AKAP6: variants seen among roughly 807,000 people sequenced by gnomAD.
AKAP6 encodes A-kinase anchoring protein 6.
A neutral mutation model predicts 188.5 loss-of-function variants in AKAP6; 58 were observed. The observed-to-expected ratio is 0.31, with a 90% confidence interval of 0.25 to 0.38. The LOEUF (loss-of-function observed/expected upper bound fraction) is 0.38, where lower values mean the gene tolerates loss of function less well. Among genes scored for constraint, AKAP6 ranks in the 10% least tolerant of loss-of-function variants. The pLI, the probability that AKAP6 is intolerant of heterozygous loss-of-function variation, is 1.00. For missense variants in AKAP6, 2,710 were observed against 2,740.0 expected, an observed-to-expected ratio of 0.99 and a Z score of 0.24; for synonymous variants, 989 against 998.6, an observed-to-expected ratio of 0.99 and a Z score of 0.18.
chr14:32,607,880 TGC>T (rs1453054848), intron 7 of AKAP6, among the ~76,000 whole-genome samples: 19 of 152,214 alleles, frequency 1.2e-4, no homozygotes, highest in Non-Finnish European at 1.5e-5. Flanking sequence ...GAACTCTTTC[TGC>T]TACTGTGGAT....
chr14:32,756,419 C>G (rs887669996), intron 11 of AKAP6, among the ~76,000 whole-genome samples: 2 of 152,040 alleles, frequency 1.3e-5, no homozygotes, highest in Non-Finnish European at 2.9e-5. Flanking sequence ...AGGGGTAATC[C>G]TGGAGCCTGA....
chr14:32,417,974 G>A (rs1889717459), intron 1 of AKAP6: 1 of 152,102 alleles, frequency 6.6e-6, no homozygotes, highest in Non-Finnish European at 1.5e-5. Context: ...ATCAGTGTCT[G>A]AATCATACGG....
intron 1 of AKAP6, among the ~76,000 whole-genome samples, chr14:32,382,107 G>C (rs1265016862): frequency 6.6e-6 from 1 of 152,150 alleles, no homozygotes; most frequent in African/African-American, 2.4e-5. Context: ...TCACCTAGCA[G>C]GTCCTTAGCA....
rs546850800 is a variant in AKAP6, at chr14:32,837,149, C to A, written c.*7344C>A. Reference sequence around the variant, plus strand: ...CTTCTTTATTCATTTTATATGGGGACGTTTGACTAGGATCACCAGATGTAG... The same window carrying A: ...CTTCTTTATTCATTTTATATGGGGAAGTTTGACTAGGATCACCAGATGTAG... On this transcript the variant is annotated 3_prime_UTR_variant, in exon 14 of 14. Coordinates refer to ENST00000280979, the MANE Select transcript of AKAP6 (RefSeq NM_004274.5). 2.0e-5 allele frequency: 3 copies of A among 152,184 alleles called. No homozygotes were observed. Among genetic ancestry groups the A allele is most frequent in the South Asian group, 2.1e-4 (1 of 4,824 alleles). 9.4% of individuals were successfully genotyped at this position (152,184 alleles called of 1,614,324 possible).
In AKAP6 at chr14:32,618,690, T is replaced by C. The variant is rs76123735; in HGVS notation, c.2730+17898T>C. The stretch of plus-strand genomic sequence containing the variant: ...AGCTGTCTTTTTGATATAATGACTT[T>C]GTTTCATTTGAGTAGATACCCAGTA... On this transcript the variant is annotated intron_variant, in intron 7 of 13. Coordinates refer to ENST00000280979, the MANE Select transcript of AKAP6 (RefSeq NM_004274.5). 2.0e-3 allele frequency among the ~76,000 whole-genome samples: 307 copies of C among 152,292 alleles called. 5 individuals are homozygous for C. Among genetic ancestry groups the C allele is most frequent in the African/African-American group, 7.1e-3 (294 of 41,586 alleles).
chr14:32,492,915 A>G (rs1319425859), intron 2 of AKAP6, among the ~76,000 whole-genome samples: 1 of 152,234 alleles, frequency 6.6e-6, no homozygotes, highest in Non-Finnish European at 1.5e-5. Context: ...AAAACCATAA[A>G]AATGAAATGC....
intron 1 of AKAP6, among the ~76,000 whole-genome samples, chr14:32,336,465 A>G (rs1189011439): frequency 6.6e-6 from 1 of 152,166 alleles, no homozygotes; most frequent in Non-Finnish European, 1.5e-5. Context: ...ACCATGTACA[A>G]TATCATATGC....
intron 12 of AKAP6, among the ~76,000 whole-genome samples, chr14:32,805,767 G>C (rs2034072806): frequency 6.6e-6 from 1 of 152,096 alleles, no homozygotes; most frequent in African/African-American, 2.4e-5. Flanking sequence ...TGTTTCCCTT[G>C]AATTGTGTTT....
At position 32,773,659 on chromosome 14, in the gene AKAP6, G is replaced by T; in HGVS notation, c.3373-19G>T. The T allele has an allele frequency of 6.2e-7, 1 of 1,608,350 alleles. No homozygotes were observed. Among genetic ancestry groups the T allele is most frequent in the Non-Finnish European group, 8.5e-7 (1 of 1,176,374 alleles). ...CTGCCCTATAAACACTCATAGATTGGTTTCTCTCTATGTTGCAGTCCCTCT... is the reference window on the plus strand; with the variant it reads ...CTGCCCTATAAACACTCATAGATTGTTTTCTCTCTATGTTGCAGTCCCTCT... On this transcript the variant is annotated intron_variant, in intron 11 of 13. Coordinates refer to ENST00000280979, the MANE Select transcript of AKAP6 (RefSeq NM_004274.5).
intron 1 of AKAP6, among the ~76,000 whole-genome samples, chr14:32,382,636 A>C (rs1050271357): frequency 6.6e-6 from 1 of 152,190 alleles, no homozygotes; most frequent in Non-Finnish European, 1.5e-5. Context: ...TTTTCATCTC[A>C]GAATGAAAAA....
chr14:32,389,234 T>G (rs1227019213), intron 1 of AKAP6, among the ~76,000 whole-genome samples: 3 of 152,274 alleles, frequency 2.0e-5, no homozygotes, highest in Admixed American at 1.3e-4. Flanking sequence ...GTGCGAGTCC[T>G]TATGTGTTAG....
intron 5 of AKAP6, among the ~76,000 whole-genome samples, chr14:32,587,195 A>G (rs527472486): frequency 2.7e-5 from 4 of 150,922 alleles, no homozygotes; most frequent in East Asian, 2.0e-4. Context: ...TATTTTTAAA[A>G]TTCTTAGCCT....
At chr14:32,527,513 G>A (rs1882194508) in intron 2 of AKAP6, among the ~76,000 whole-genome samples, 1 of 152,152 alleles carries the variant, frequency 6.6e-6, no homozygotes, top group Non-Finnish European at 1.5e-5. Context: ...GTGAGAATAT[G>A]TTTAGCTTTG....
intron 7 of AKAP6, among the ~76,000 whole-genome samples, chr14:32,645,686 G>GT (rs1887958552): frequency 6.6e-6 from 1 of 152,182 alleles, no homozygotes; most frequent in Non-Finnish European, 1.5e-5. Context: ...TTGAATTCAA[G>GT]TAAGTCTGGC....
At chr14:32,761,547 C>T (rs1054439528) in intron 11 of AKAP6, among the ~76,000 whole-genome samples, 2 of 152,112 alleles carry the variant, frequency 1.3e-5, no homozygotes, top group African/African-American at 4.8e-5. Context: ...TACCATGCAG[C>T]AGGGTTGAGC....
intron 2 of AKAP6, among the ~76,000 whole-genome samples, chr14:32,493,183 G>A (rs578196251): frequency 2.8e-4 from 42 of 152,052 alleles, no homozygotes; most frequent in African/African-American, 9.6e-4. Flanking sequence ...CTGAGAATGG[G>A]CTCTAAGGCA....
chr14:32,519,660 T>C (rs1450464659), intron 2 of AKAP6, among the ~76,000 whole-genome samples: 1 of 152,142 alleles, frequency 6.6e-6, no homozygotes, highest in Non-Finnish European at 1.5e-5. Context: ...CCTAAATATA[T>C]ATGCACCCAA....
At chr14:32,682,510 C>T (rs899664378) in intron 8 of AKAP6, among the ~76,000 whole-genome samples, 4 of 152,128 alleles carry the variant, frequency 2.6e-5, no homozygotes, top group Admixed American at 6.5e-5. Flanking sequence ...TAAAACTGAT[C>T]TGGGGCTAAA....
intron 12 of AKAP6, among the ~76,000 whole-genome samples, chr14:32,779,505 A>G (rs1176806083): frequency 6.6e-6 from 1 of 152,064 alleles, no homozygotes; most frequent in Non-Finnish European, 1.5e-5. Flanking sequence ...AGCTAACACA[A>G]ACAGAGTTGG....
Sources: gnomAD v4.1 joint callset for allele counts (sites outside exome capture counted in the v4.1 genomes callset) on GRCh38, gnomAD v4.1.1 for gene constraint, MANE v1.5 for transcripts, NCBI Gene and HGNC (gene_info 2026-07-23, HGNC 2026-07-21) for gene names.